The following HECW2 variants were observed in gnomAD, a reference collection of about 807,000 sequenced individuals.
HECW2 encodes HECT, C2 and WW domain containing E3 ubiquitin protein ligase 2, also known as E3 ubiquitin-protein ligase HECW2.
A neutral mutation model predicts 175.2 loss-of-function variants in HECW2; 61 were observed. The observed-to-expected ratio is 0.35, with a 90% confidence interval of 0.28 to 0.43. The LOEUF is 0.43. Ranked by LOEUF, HECW2 falls within the 20% of genes least tolerant of loss-of-function variation. The pLI is 1.00. For synonymous variants in HECW2, 671 were observed against 731.0 expected, an observed-to-expected ratio of 0.92 and a Z score of 1.32; for missense variants, 1,524 against 2,000.5, an observed-to-expected ratio of 0.76 and a Z score of 4.54.
At chr2:196,405,856 C>T (rs1480369500) in intron 2 of HECW2, among the ~76,000 whole-genome samples, 1 of 152,118 alleles carries the variant, frequency 6.6e-6, no homozygotes, top group Non-Finnish European at 1.5e-5. Context: ...TCAACTTCTA[C>T]CCCCACCAAT....
chr2:196,516,092 G>A (rs965892859), intron 1 of HECW2, among the ~76,000 whole-genome samples: 2 of 152,048 alleles, frequency 1.3e-5, no homozygotes, highest in Non-Finnish European at 1.5e-5. Flanking sequence ...AGCTGAGATC[G>A]CACCACTGCA....
In HECW2 at chr2:196,353,439, T is replaced by C. The variant is rs1428389117; in HGVS notation, c.293-9675A>G. On this transcript the variant is annotated intron_variant, in intron 2 of 28. Transcript: ENST00000644978. Reference sequence around the variant, plus strand: ...TAAATATATTGTCTGTCTTCTTCTGTTGAATGTAAACTCCAAGAGGTCAAG... The same window carrying C: ...TAAATATATTGTCTGTCTTCTTCTGCTGAATGTAAACTCCAAGAGGTCAAG... Among the ~76,000 whole-genome samples, 3 of 152,230 alleles carry C rather than the reference T, an allele frequency of 2.0e-5. No individual in the cohort carries two copies. The East Asian group carries it at 5.8e-4, about 29-fold the overall frequency.
chr2:196,299,142 TATAAATGTACAGC>T (rs1690932325), intron 13 of HECW2, among the ~76,000 whole-genome samples: 1 of 151,056 alleles, frequency 6.6e-6, no homozygotes, highest in Non-Finnish European at 1.5e-5. Context: ...TACAGAAATG[TATAAATGTACAGC>T]ATGGATCATC....
At chr2:196,322,659 A>G in intron 6 of HECW2, 39 bp from the exon 7 acceptor site, 1 of 1,560,240 alleles carries the variant, frequency 6.4e-7, no homozygotes, top group Non-Finnish European at 8.8e-7. Flanking sequence ...TTTAAAAGAA[A>G]GACAAATATG....
At position 196,242,010 on chromosome 2, in the gene HECW2, A is replaced by G. The variant is rs1208851833; in HGVS notation, c.3650+74T>C. The G allele has an allele frequency of 4.2e-6, 6 of 1,432,782 alleles. No homozygotes were observed. In the African/African-American group the frequency reaches 5.6e-5, roughly 13 times the overall value. The allele number at this position is 1,432,782 out of a possible 1,614,324, so 88.8% of individuals were successfully genotyped here. On this transcript the variant is annotated intron_variant, in intron 20 of 28. Transcript: ENST00000644978. ...GGCTAGTCATCCCAAATCACAATCA[A>G]TTTCCTAGAGGCCCAACTGTGCCCT...
chr2:196,399,164 C>G (rs1694750338), intron 2 of HECW2, among the ~76,000 whole-genome samples: 1 of 152,200 alleles, frequency 6.6e-6, no homozygotes, highest in African/African-American at 2.4e-5. Context: ...GGAAGCACTA[C>G]TAATGGGCTT....
intron 6 of HECW2, among the ~76,000 whole-genome samples, chr2:196,322,841 A>C (rs1002158023): frequency 6.6e-6 from 1 of 152,240 alleles, no homozygotes. Flanking sequence ...TGACAAAAGA[A>C]GCCCTCTCAG....
intron 2 of HECW2, among the ~76,000 whole-genome samples, chr2:196,359,814 T>C (rs1332619948): frequency 1.3e-5 from 2 of 152,172 alleles, no homozygotes; most frequent in African/African-American, 4.8e-5. Context: ...TAGAAGCATG[T>C]GGGAATGGCT....
At position 196,196,069 on chromosome 2, in the gene HECW2, C is replaced by T. The variant is rs7562562; in HGVS notation, c.*5208G>A. On this transcript the variant is annotated 3_prime_UTR_variant, in exon 29 of 29. Coordinates refer to ENST00000644978, the MANE Select transcript of HECW2 (RefSeq NM_001348768.2). ...AACTTTCCCTCCACTACACTCCTGT[C>T]CTAACCATCCTTTCGCTCCTTCTGA... 0.032 allele frequency: 4,834 copies of T among 152,380 alleles called. 128 individuals carry two copies. The highest frequency in any genetic ancestry group is 0.051 in the Middle Eastern group (15 of 294). The allele number at this position is 152,380 out of a possible 1,614,324, so 9.4% of individuals were successfully genotyped here.
intron 1 of HECW2, among the ~76,000 whole-genome samples, chr2:196,563,331 C>T (rs1031369666): frequency 3.9e-5 from 6 of 151,962 alleles, no homozygotes; most frequent in East Asian, 3.9e-4. Flanking sequence ...TTTGGGAGGC[C>T]GAGGCAGGTG....
At chr2:196,257,742 T>C in intron 18 of HECW2, 81 bp downstream of exon 18, 7 of 974,564 alleles carry the variant, frequency 7.2e-6, no homozygotes, top group Non-Finnish European at 1.1e-5. Flanking sequence ...CTATGAATAT[T>C]GGCATATTAT....
At chr2:196,231,910 A>G (rs1166820513) in intron 21 of HECW2, among the ~76,000 whole-genome samples, 1 of 152,156 alleles carries the variant, frequency 6.6e-6, no homozygotes, top group Non-Finnish European at 1.5e-5. Flanking sequence ...AATGGCGTGA[A>G]CCCAGGAGGC....
At position 196,319,623 on chromosome 2, in the gene HECW2, T is replaced by G. The variant is rs370271325; in HGVS notation, c.1267A>C (p.Ile423Leu). 1 of 1,614,246 alleles carries G rather than the reference T, an allele frequency of 6.2e-7. No homozygotes were observed. Among genetic ancestry groups the G allele is most frequent in the South Asian group, 1.1e-5 (1 of 91,084 alleles). ...GGCCTGGAGTGGCCATTGTGTTCGA[T>G]AGCATCTAAGTAATCATTGAGTGAA... ...QDSLNDYLDA[I>L]EHNGHSRPGT... The change falls in exon 9 of 29, where the codon ATC becomes CTC. Residue 423 changes from isoleucine (I) to leucine (L), a missense_variant. Ile to Leu is a conservative substitution (Grantham distance 5). Around this residue, in one of 11 missense-constraint regions of HECW2, gnomAD observed 604 missense variants for 588.3 expected, o/e 1.03. Coordinates refer to ENST00000644978, the MANE Select transcript of HECW2 (RefSeq NM_001348768.2).
intron 2 of HECW2, among the ~76,000 whole-genome samples, chr2:196,407,128 G>A (rs1694986208): frequency 6.6e-6 from 1 of 151,786 alleles, no homozygotes; most frequent in Non-Finnish European, 1.5e-5. Context: ...AAGAATACGA[G>A]CTTTCTGGTA....
At chr2:196,402,552 T>C (rs1694850011) in intron 2 of HECW2, among the ~76,000 whole-genome samples, 1 of 152,208 alleles carries the variant, frequency 6.6e-6, no homozygotes, top group African/African-American at 2.4e-5. Flanking sequence ...TTCTCTGTTA[T>C]TTATTTAACA....
At chr2:196,326,300 C>G (rs1692148484) in intron 5 of HECW2, among the ~76,000 whole-genome samples, 1 of 152,158 alleles carries the variant, frequency 6.6e-6, no homozygotes, top group Non-Finnish European at 1.5e-5. Flanking sequence ...GGAGAGCTCC[C>G]AGGAGGTGGC....
intron 23 of HECW2, among the ~76,000 whole-genome samples, chr2:196,224,451 G>A: frequency 6.6e-6 from 1 of 152,010 alleles, no homozygotes; most frequent in East Asian, 1.9e-4. Context: ...GAAAACGAGG[G>A]GCCTGGTGAT....
At position 196,307,216 on chromosome 2, in the gene HECW2, C is replaced by A. The variant is rs772066031; in HGVS notation, c.2603G>T (p.Arg868Ile). ...CTCAGGCCTCTCATTGGTCATGGTT[C>A]TGCGGATACTCTGATATCTAAAATC... Reference protein sequence around the residue: ...QLNRRYQSIRRTMTNERPEEN... With the variant: ...QLNRRYQSIRITMTNERPEEN... Residue 868 changes from arginine (R) to isoleucine (I), a missense_variant, in exon 12 of 29, where the codon AGA becomes ATA. Transcript: ENST00000644978. 3 of 1,611,492 alleles carry A rather than the reference C, an allele frequency of 1.9e-6. No homozygotes were observed. The highest frequency in any genetic ancestry group is 2.5e-6 in the Non-Finnish European group (3 of 1,177,588).
chr2:196,263,056 T>TA (rs1558993087), intron 17 of HECW2: 2 of 149,988 alleles, frequency 1.3e-5, no homozygotes, highest in East Asian at 1.9e-4. Context: ...GGCAGAGAAA[T>TA]AAAAAAAGAA....
Sources: allele counts gnomAD v4.1 joint callset (sites outside exome capture counted in the v4.1 genomes callset), GRCh38; gene constraint gnomAD v4.1.1; regional missense constraint gnomAD v4.1.1; transcripts MANE v1.5; gene names NCBI Gene and HGNC (gene_info 2026-07-23, HGNC 2026-07-21).